Variants in UBE4B observed in about 807,000 individuals in gnomAD.
UBE4B encodes the protein ubiquitination factor E4B.
Under a neutral mutation model 148.1 loss-of-function variants are expected in UBE4B, and 27 were observed. The observed-to-expected ratio is 0.18, with a 90% CI of 0.13 to 0.25. The LOEUF (loss-of-function observed/expected upper bound fraction) is 0.25, where lower values mean the gene tolerates loss of function less well. Ranked by LOEUF, UBE4B falls within the 10% of genes least tolerant of loss-of-function variation. The probability of loss-of-function intolerance (pLI) is 1.00; values close to 1 mark genes in which losing one functional copy is unlikely to be tolerated. For synonymous variants in UBE4B, 596 were observed against 619.3 expected (o/e 0.96, Z 0.56); for missense variants, 1,170 against 1,662.4 (o/e 0.70, Z 5.15).
intron 17 of UBE4B, among the ~76,000 whole-genome samples, chr1:10,142,969 A>G (rs145110390): frequency 6.6e-5 from 10 of 151,972 alleles, no homozygotes; most frequent in African/African-American, 2.4e-4. Context: ...TTAGCCAGGC[A>G]TGGTAACGCA....
chr1:10,100,546 A>T (rs192030302), intron 3 of UBE4B, among the ~76,000 whole-genome samples: 9 of 151,736 alleles, frequency 5.9e-5, no homozygotes, highest in Admixed American at 5.9e-4. Flanking sequence ...TACTTTAATG[A>T]TATACTTTTA....
At chr1:10,179,154 G>A (rs75695932) in intron 26 of UBE4B, 5,873 of 496,486 alleles carry the variant, frequency 0.012, 252 homozygotes, top group African/African-American at 0.1. Context: ...GGAGCCTGTG[G>A]GGCCTGCTGC....
intron 7 of UBE4B, among the ~76,000 whole-genome samples, chr1:10,109,335 G>C (rs1367349306): frequency 6.6e-6 from 1 of 152,144 alleles, no homozygotes; most frequent in East Asian, 1.9e-4. Context: ...TGCCCAAATA[G>C]GTCTTGTTTG....
At chr1:10,142,436 C>G (rs985767028) in intron 17 of UBE4B, among the ~76,000 whole-genome samples, 2 of 152,118 alleles carry the variant, frequency 1.3e-5, no homozygotes, top group Non-Finnish European at 2.9e-5. Context: ...ACTGGGAGGC[C>G]GAGGTGGGCA....
chr1:10,150,217 C>CA (rs1645946973), intron 20 of UBE4B, among the ~76,000 whole-genome samples: 1 of 151,874 alleles, frequency 6.6e-6, no homozygotes, highest in Non-Finnish European at 1.5e-5. Flanking sequence ...GCAACATACA[C>CA]AAAAAAACCC....
intron 15 of UBE4B, among the ~76,000 whole-genome samples, chr1:10,134,239 G>C (rs1314287698): frequency 6.6e-6 from 1 of 152,068 alleles, no homozygotes; most frequent in Non-Finnish European, 1.5e-5. Context: ...GGCCAAGCGT[G>C]GTGGCTCATG....
chr1:10,110,880 C>T (rs1248108949), intron 7 of UBE4B, among the ~76,000 whole-genome samples: 3 of 152,048 alleles, frequency 2.0e-5, no homozygotes, highest in Admixed American at 6.6e-5. Context: ...ACAGGTAATC[C>T]TATCACTTTG....
chr1:10,179,324 G>T, intron 26 of UBE4B, 92 bp from the exon 27 acceptor site: 1 of 1,521,500 alleles, frequency 6.6e-7, no homozygotes. Flanking sequence ...CTGTTCCTTT[G>T]GATAGATTTT....
At chr1:10,077,716 C>G (rs1644608047) in intron 2 of UBE4B, among the ~76,000 whole-genome samples, 1 of 152,156 alleles carries the variant, frequency 6.6e-6, no homozygotes, top group Non-Finnish European at 1.5e-5. Flanking sequence ...TCTGTTTTTC[C>G]TGATGTGCTG....
chr1:10,167,447 T>C, intron 23 of UBE4B, among the ~76,000 whole-genome samples: 1 of 134,448 alleles, frequency 7.4e-6, no homozygotes, highest in Non-Finnish European at 1.5e-5. Flanking sequence ...CAAAAAATAA[T>C]AATAATAATA....
rs962435076 is a variant in UBE4B, at chr1:10,112,235, A to G, written c.1197-5224A>G. On this transcript the variant is annotated intron_variant, in intron 7 of 27. Transcript: ENST00000343090. ...ATGTAGTTATCAGAAAGTGGTTTGC[A>G]TATTCTCCCAGAGGGAGGTATAATT... 1.3e-5 allele frequency among the ~76,000 whole-genome samples: 2 copies of G among 152,226 alleles called. 1 individual carries two copies. The highest frequency in any genetic ancestry group is 4.8e-5 in the African/African-American group (2 of 41,456).
chr1:10,175,330 G>C (rs1646400884), intron 25 of UBE4B, among the ~76,000 whole-genome samples: 1 of 151,696 alleles, frequency 6.6e-6, no homozygotes, highest in Non-Finnish European at 1.5e-5. Flanking sequence ...CATTAAAAAA[G>C]AAAAAAAATT....
intron 2 of UBE4B, among the ~76,000 whole-genome samples, chr1:10,086,250 C>T (rs1644765555): frequency 6.6e-6 from 1 of 152,132 alleles, no homozygotes; most frequent in Admixed American, 6.6e-5. Context: ...GGATTACAGG[C>T]ATGAGCCACT....
At chr1:10,049,317 C>T (rs1036157962) in intron 1 of UBE4B, among the ~76,000 whole-genome samples, 1 of 152,140 alleles carries the variant, frequency 6.6e-6, no homozygotes, top group African/African-American at 2.4e-5. Flanking sequence ...ACGCAACCAG[C>T]TAGACTTCAA....
intron 1 of UBE4B, among the ~76,000 whole-genome samples, chr1:10,051,737 G>A (rs1006752962): frequency 1.3e-5 from 2 of 152,124 alleles, no homozygotes; most frequent in Non-Finnish European, 2.9e-5. Flanking sequence ...GAAATGTTCT[G>A]CATATCAGGA....
chr1:10,128,915 A>AC (rs1645546135), intron 11 of UBE4B: 1 of 152,840 alleles, frequency 6.5e-6, no homozygotes, highest in Admixed American at 6.5e-5. Context: ...AAATCTTGAA[A>AC]CCAAGTTATG....
intron 1 of UBE4B, among the ~76,000 whole-genome samples, chr1:10,060,838 G>C (rs1335533590): frequency 1.3e-5 from 2 of 151,852 alleles, no homozygotes; most frequent in African/African-American, 2.4e-5. Flanking sequence ...TAGCTCACTA[G>C]GCTCAAGTGA....
At chr1:10,175,953 C>T (rs1366189236) in intron 25 of UBE4B, among the ~76,000 whole-genome samples, 2 of 152,162 alleles carry the variant, frequency 1.3e-5, no homozygotes, top group East Asian at 3.9e-4. Context: ...ACATGTATCA[C>T]CCCAAAAGGA....
At chr1:10,040,743 G>C (rs1003361855) in intron 1 of UBE4B, among the ~76,000 whole-genome samples, 2 of 151,320 alleles carry the variant, frequency 1.3e-5, no homozygotes, top group Non-Finnish European at 1.5e-5. Context: ...TCAGCCTCCC[G>C]AGTAGCTGGG....
Sources: allele counts gnomAD v4.1 joint callset (sites outside exome capture counted in the v4.1 genomes callset), GRCh38; gene constraint gnomAD v4.1.1; transcripts MANE v1.5; gene names NCBI Gene and HGNC (gene_info 2026-07-23, HGNC 2026-07-21).